WSB1: variants seen among roughly 807,000 people sequenced by gnomAD.
WSB1 encodes the protein WD repeat and SOCS box-containing protein 1.
WSB1 carries 23 observed loss-of-function variants against 50.2 expected under a neutral mutation model. The ratio of observed to expected loss-of-function variants is 0.46; its 90% CI spans 0.33 to 0.65. The LOEUF (loss-of-function observed/expected upper bound fraction) is 0.65. WSB1 is among the 30% of genes least tolerant of loss of function. WSB1 has a pLI of 0.02. For missense variants in WSB1, 492 were observed against 522.3 expected, an observed-to-expected ratio of 0.94 and a Z score of 0.56; for synonymous variants, 179 against 172.0, an observed-to-expected ratio of 1.04 and a Z score of -0.32.
At position 27,303,309 on chromosome 17, in the gene WSB1, T is replaced by C. The variant is rs1439386875; in HGVS notation, c.210-58T>C. ...AACAAACACTTGTAATTATTCAATGTCCAGAGGAGTCCAGAGTGAATAATA... is the reference window on the plus strand; with the variant it reads ...AACAAACACTTGTAATTATTCAATGCCCAGAGGAGTCCAGAGTGAATAATA... On this transcript the variant is annotated intron_variant, in intron 2 of 8. Coordinates refer to ENST00000262394, the MANE Select transcript of WSB1 (RefSeq NM_015626.10). 1.9e-6 allele frequency: 3 copies of C among 1,559,306 alleles called. No individual in the cohort carries two copies. In the African/African-American group the frequency reaches 4.1e-5, roughly 21 times the overall value.
chr17:27,294,149 G>T lies in WSB1; in HGVS notation c.-247G>T. ...TTGCAGTCGGCGCTTTAGGGGAACT[G>T]TCTTCCTCCGCAGGCGCGAGGCTGG... On this transcript the variant is annotated 5_prime_UTR_variant, in exon 1 of 9. Coordinates refer to ENST00000262394, the MANE Select transcript of WSB1 (RefSeq NM_015626.10). The T allele has an allele frequency of 2.8e-6, 1 of 354,178 alleles. No individual in the cohort carries two copies. Among genetic ancestry groups the T allele is most frequent in the Non-Finnish European group, 5.1e-6 (1 of 195,620 alleles). 21.9% of individuals were successfully genotyped at this position (354,178 alleles called of 1,614,324 possible).
intron 8 of WSB1, among the ~76,000 whole-genome samples, chr17:27,311,927 C>A (rs921265893): frequency 6.6e-6 from 1 of 152,028 alleles, no homozygotes; most frequent in Non-Finnish European, 1.5e-5. Context: ...GGATTACAGG[C>A]GTGAGCCACC....
chr17:27,296,879 C>G (rs1208954446), intron 1 of WSB1, among the ~76,000 whole-genome samples: 1 of 152,096 alleles, frequency 6.6e-6, no homozygotes, highest in Non-Finnish European at 1.5e-5. Flanking sequence ...CACTTTATTA[C>G]AAACTTTGTG....
chr17:27,309,355 C>T, intron 6 of WSB1, 83 bp downstream of exon 6: 1 of 1,177,936 alleles, frequency 8.5e-7, no homozygotes, highest in African/African-American at 1.5e-5. Context: ...CCAATATATG[C>T]AACCTAAAAT....
At chr17:27,307,906 C>G (rs2017523456) in intron 5 of WSB1, 2 of 1,425,926 alleles carry the variant, frequency 1.4e-6, no homozygotes, top group Non-Finnish European at 1.8e-6. Flanking sequence ...GCAAGGTGTA[C>G]TGTACGTACA....
chr17:27,301,114 TC>T lies in WSB1; in HGVS notation c.41-672del, dbSNP rs550952238. ...GTCTCAAACTCCAGACCTCAAGTGA[TC>T]CGCTTGTCTTGGCCTCCCAGAATGT... On this transcript the variant is annotated intron_variant, in intron 1 of 8. Coordinates refer to ENST00000262394, the MANE Select transcript of WSB1 (RefSeq NM_015626.10). 3.9e-5 allele frequency among the ~76,000 whole-genome samples: 6 copies of T among 152,260 alleles called. No individual in the cohort carries two copies. The East Asian group carries it at 1.2e-3, about 29-fold the overall frequency.
Position 27,303,373 on chromosome 17 carries a change from G to C in WSB1, c.216G>C (p.Leu72Phe). ...CTGACTTCCCCCACTCCAGTCTCTTGCATGGCACCAAGAATGTTACCAATT... is the reference window on the plus strand; with the variant it reads ...CTGACTTCCCCCACTCCAGTCTCTTCCATGGCACCAAGAATGTTACCAATT... ...PWSQCLQNFL[L>F]HGTKNVTNSS... is the part of the protein sequence containing the mutation. Residue 72 changes from leucine to phenylalanine, a missense_variant, in exon 3 of 9, where the codon TTG becomes TTC. Coordinates refer to ENST00000262394, the MANE Select transcript of WSB1 (RefSeq NM_015626.10). The C allele has an allele frequency of 1.2e-6, 2 of 1,613,744 alleles. No individual in the cohort carries two copies. The highest frequency in any genetic ancestry group is 1.7e-6 in the Non-Finnish European group (2 of 1,179,936).
At position 27,314,073 on chromosome 17, in the gene WSB1, G is replaced by T. The variant is rs1282358291; in HGVS notation, c.*1704G>T. The T allele has an allele frequency of 6.6e-6, 1 of 152,150 alleles. No homozygotes were observed. The highest frequency in any genetic ancestry group is 2.4e-5 in the African/African-American group (1 of 41,432). The allele number at this position is 152,150 out of a possible 1,614,324, so 9.4% of individuals were successfully genotyped here. On this transcript the variant is annotated 3_prime_UTR_variant, in exon 9 of 9. Transcript: ENST00000262394. Reference sequence around the variant, plus strand: ...ATTTCCACTGAGAAATTATTTGGAAGTTCCTATGGTTAGCTCTGTTAAGGA... The same window carrying T: ...ATTTCCACTGAGAAATTATTTGGAATTTCCTATGGTTAGCTCTGTTAAGGA...
At chr17:27,308,779 T>A in intron 5 of WSB1, 1 of 999,750 alleles carries the variant, frequency 1.0e-6, no homozygotes, top group Non-Finnish European at 1.2e-6. Context: ...TTTATTTCCG[T>A]ATATTTTAGT....
intron 1 of WSB1, among the ~76,000 whole-genome samples, chr17:27,295,710 C>G (rs1442347899): frequency 6.6e-6 from 1 of 152,144 alleles, no homozygotes; most frequent in Non-Finnish European, 1.5e-5. Context: ...TCTTATCAGT[C>G]CAGTGGGTTT....
chr17:27,307,961 T>C (rs1567690609), intron 5 of WSB1: 1 of 1,251,648 alleles, frequency 8.0e-7, no homozygotes. Flanking sequence ...TTCTTTCTTT[T>C]TTTCTTTTTT....
intron 5 of WSB1, chr17:27,308,467 T>C (rs2017544668): frequency 1.0e-6 from 1 of 984,734 alleles, no homozygotes; most frequent in South Asian, 4.7e-5. Context: ...TTTTGATTTA[T>C]TGAAATGTAA....
At chr17:27,309,052 T>A in intron 5 of WSB1, 48 bp from the exon 6 acceptor site, 1 of 1,508,440 alleles carries the variant, frequency 6.6e-7, no homozygotes, top group South Asian at 1.4e-5. Context: ...TGCCATTTTG[T>A]CCTCTGTATG....
In WSB1 at chr17:27,312,435, T is replaced by A. The variant is rs1195313572; in HGVS notation, c.*66T>A. ...ACTTAACACAAACCTCAAGCTTTAC[T>A]GACTTCAATTATCTGTTTTTAAAGA... On this transcript the variant is annotated 3_prime_UTR_variant, in exon 9 of 9. Transcript: ENST00000262394. 1.3e-6 allele frequency: 2 copies of A among 1,561,320 alleles called. No individual in the cohort carries two copies. The highest frequency in any genetic ancestry group is 1.7e-6 in the Non-Finnish European group (2 of 1,157,438).
At chr17:27,307,164 C>T (rs2017496588) in intron 5 of WSB1, 1 of 362,570 alleles carries the variant, frequency 2.8e-6, no homozygotes. Context: ...TAGAAGAGAT[C>T]TAGTCTATAT....
chr17:27,298,087 T>C (rs1483903556), intron 1 of WSB1, among the ~76,000 whole-genome samples: 2 of 136,918 alleles, frequency 1.5e-5, no homozygotes, highest in Non-Finnish European at 3.0e-5. Context: ...ATCATGCCAC[T>C]GCACTCCAGC....
intron 1 of WSB1, among the ~76,000 whole-genome samples, chr17:27,298,696 C>CA (rs2017095986): frequency 6.6e-6 from 1 of 151,996 alleles, no homozygotes; most frequent in South Asian, 2.1e-4. Flanking sequence ...ACTAAAAATA[C>CA]AAAAAATAAT....
At chr17:27,305,894 ATAGTCT>A (rs750964557) in intron 4 of WSB1, among the ~76,000 whole-genome samples, 14 of 152,258 alleles carry the variant, frequency 9.2e-5, no homozygotes, top group Non-Finnish European at 1.6e-4. Context: ...TTTTAAGAAC[ATAGTCT>A]TAGTAAAATA....
chr17:27,311,616 G>A lies in WSB1; in HGVS notation c.1106G>A (p.Gly369Glu). 6.7e-7 allele frequency: 1 copy of A among 1,496,102 alleles called. No homozygotes were observed. The highest frequency in any genetic ancestry group is 9.1e-7 in the Non-Finnish European group (1 of 1,102,990). 92.7% of individuals were successfully genotyped at this position (1,496,102 alleles called of 1,614,324 possible). The change falls in exon 8 of 9, where the codon GGG becomes GAG. Residue 369 changes from glycine to glutamate, a missense_variant and splice_region_variant. By Grantham distance (98) the Gly-to-Glu change is moderately conservative. Coordinates refer to ENST00000262394, the MANE Select transcript of WSB1 (RefSeq NM_015626.10). ...ACTGATGGCAGTGTTTTAGCTGCTG[G>A]GTAAATATATTTTTCTCTTTTTTTT... The part of the protein sequence containing the change: ...FSTDGSVLAA[G>E]THDGSVYFWA...
Sources: gnomAD v4.1 joint callset for allele counts (sites outside exome capture counted in the v4.1 genomes callset) on GRCh38, gnomAD v4.1.1 for gene constraint, MANE v1.5 for transcripts, NCBI Gene and HGNC (gene_info 2026-07-23, HGNC 2026-07-21) for gene names.